NBAS: variants seen among roughly 807,000 people sequenced by gnomAD.
NBAS encodes the protein NAG/BC035112 fusion.
Under a neutral mutation model 302.5 loss-of-function variants are expected in NBAS, and 219 were observed. The observed-to-expected ratio is 0.72, with a 90% CI of 0.65 to 0.81. The LOEUF is 0.81. Ranked by LOEUF, NBAS falls within the 30% of genes least tolerant of loss-of-function variation. The pLI is 0.00. For synonymous variants in NBAS, 1,118 were observed against 1,021.6 expected, an observed-to-expected ratio of 1.09 and a Z score of -1.80; for missense variants, 2,932 against 2,841.6, an observed-to-expected ratio of 1.03 and a Z score of -0.72.
At chr2:15,047,253 C>G in the NBAS span, among the ~76,000 whole-genome samples, 1 of 152,262 alleles carries the variant, frequency 6.6e-6, no homozygotes, top group African/African-American at 2.4e-5. Flanking sequence ...GAAGGAGGCA[C>G]AGATGGTTCA....
At chr2:15,379,523 T>A (rs1674924452) in intron 30 of NBAS, 79 bp downstream of exon 30, 2 of 1,381,646 alleles carry the variant, frequency 1.4e-6, no homozygotes, top group African/African-American at 2.9e-5. Context: ...ATATATTTGG[T>A]AAAGAAAAGA....
At chr2:15,430,850 A>C (rs553564117) in intron 21 of NBAS, among the ~76,000 whole-genome samples, 75 of 152,084 alleles carry the variant, frequency 4.9e-4, no homozygotes, top group African/African-American at 1.8e-3. Flanking sequence ...TCGGTCGCCC[A>C]GTCTGGAGTG....
At chr2:15,175,999 C>G (rs1385500494) in intron 51 of NBAS, among the ~76,000 whole-genome samples, 1 of 152,150 alleles carries the variant, frequency 6.6e-6, no homozygotes, top group African/African-American at 2.4e-5. Context: ...CTTTTAATGT[C>G]AATAGGAGCT....
At chr2:15,383,135 G>T in intron 29 of NBAS, 80 bp downstream of exon 29, 2 of 1,202,220 alleles carry the variant, frequency 1.7e-6, no homozygotes, top group Non-Finnish European at 2.4e-6. Flanking sequence ...GTAGCTTATG[G>T]TCATCAATCT....
At chr2:15,019,170 T>C in the NBAS span, among the ~76,000 whole-genome samples, 3 of 152,206 alleles carry the variant, frequency 2.0e-5, no homozygotes, top group African/African-American at 2.4e-5. Flanking sequence ...AGTAGTTCAA[T>C]TGGCAATAGT....
At chr2:15,486,467 C>T (rs547183390) in intron 12 of NBAS, among the ~76,000 whole-genome samples, 15 of 152,232 alleles carry the variant, frequency 9.9e-5, no homozygotes, top group African/African-American at 2.9e-4. Context: ...GAATCAAAGC[C>T]ACATCCACAA....
the NBAS span, among the ~76,000 whole-genome samples, chr2:15,060,649 G>T: frequency 6.6e-6 from 1 of 152,070 alleles, no homozygotes. Context: ...ACTTCGAGTC[G>T]GGGAGGGGGA....
At chr2:15,165,244 C>T (rs1171884307), downstream of NBAS, among the ~76,000 whole-genome samples, 2 of 152,232 alleles carry the variant, frequency 1.3e-5, no homozygotes, top group African/African-American at 4.8e-5. Flanking sequence ...CTAGGAGTGG[C>T]TTGACCCACA....
chr2:15,298,981 T>C (rs1417943154), intron 40 of NBAS, among the ~76,000 whole-genome samples: 3 of 152,170 alleles, frequency 2.0e-5, no homozygotes, highest in Admixed American at 6.5e-5. Flanking sequence ...TGAGTTGCTC[T>C]ACATCCAGCT....
intron 20 of NBAS, 150 bp downstream of exon 20, chr2:15,461,537 T>G: frequency 1.3e-6 from 1 of 741,488 alleles, no homozygotes; most frequent in South Asian, 1.9e-5. Context: ...CTCAGAATGA[T>G]GGATATTAAA....
At chr2:14,780,846 T>A in the NBAS span, among the ~76,000 whole-genome samples, 1 of 152,232 alleles carries the variant, frequency 6.6e-6, no homozygotes, top group African/African-American at 2.4e-5. Flanking sequence ...TTCTTAAGAA[T>A]AAAACTTGCA....
At chr2:15,136,755 C>G in the NBAS span, among the ~76,000 whole-genome samples, 11 of 152,158 alleles carry the variant, frequency 7.2e-5, no homozygotes, top group Non-Finnish European at 5.9e-5. Flanking sequence ...CCTGGTGGGA[C>G]GTGATTGAAT....
chr2:15,467,872 C>T (rs1679792069), intron 17 of NBAS, 68 bp from the exon 18 acceptor site: 3 of 1,274,774 alleles, frequency 2.4e-6, no homozygotes, highest in Non-Finnish European at 3.3e-6. Flanking sequence ...AAAGCTTTCT[C>T]CTATTTTGAC....
At chr2:15,167,401 T>C in intron 51 of NBAS, 78 bp from the exon 52 acceptor site, 1 of 1,543,462 alleles carries the variant, frequency 6.5e-7, no homozygotes, top group Non-Finnish European at 8.9e-7. Context: ...CGCTCTCCAC[T>C]GGGCTGCCTT....
At chr2:15,035,612 G>A in the NBAS span, among the ~76,000 whole-genome samples, 7,927 of 152,150 alleles carry the variant, frequency 0.052, 458 homozygotes, top group African/African-American at 0.12. Flanking sequence ...ATGAGAGACC[G>A]GATAAAGAAA....
chr2:15,297,655 A>G (rs1670610642), intron 40 of NBAS, among the ~76,000 whole-genome samples: 1 of 152,208 alleles, frequency 6.6e-6, no homozygotes. Context: ...TGGAGCTATG[A>G]GTCAATTAAA....
chr2:15,103,756 C>T, the NBAS span, among the ~76,000 whole-genome samples: 1 of 152,148 alleles, frequency 6.6e-6, no homozygotes, highest in Non-Finnish European at 1.5e-5. Flanking sequence ...TATTCAAGGA[C>T]TGAAGGCCCA....
chr2:14,863,915 A>AT, the NBAS span, among the ~76,000 whole-genome samples: 1 of 152,252 alleles, frequency 6.6e-6, no homozygotes, highest in African/African-American at 2.4e-5. Context: ...CCTTGGTCTC[A>AT]TATCAGTTCT....
chr2:15,401,323 G>GC (rs559208679), intron 26 of NBAS, among the ~76,000 whole-genome samples: 10 of 151,734 alleles, frequency 6.6e-5, no homozygotes, highest in African/African-American at 9.7e-5. Flanking sequence ...TCAGATATGA[G>GC]CCCCCCCTCC....
Sources: gnomAD v4.1 joint callset for allele counts (sites outside exome capture counted in the v4.1 genomes callset) on GRCh38, gnomAD v4.1.1 for gene constraint, MANE v1.5 for transcripts, NCBI Gene and HGNC (gene_info 2026-07-23, HGNC 2026-07-21) for gene names.